Variants in HHLA1 observed in about 807,000 individuals in gnomAD.
HHLA1 encodes HERV-H LTR-associating protein 1.
Under a neutral mutation model 69.9 loss-of-function variants are expected in HHLA1, and 72 were observed. That is an observed-to-expected ratio of 1.03 (90% CI 0.85 to 1.25). The LOEUF is 1.25. Ranked by LOEUF, HHLA1 falls within the 50% of genes most tolerant of loss-of-function variation. HHLA1 has a pLI of 0.00. For missense variants in HHLA1, 685 were observed against 642.2 expected (o/e 1.07, Z -0.72); for synonymous variants, 252 against 233.2 (o/e 1.08, Z -0.73).
chr8:132,095,475 G>A (rs1474933429), intron 7 of HHLA1, 44 bp downstream of exon 7: 2 of 1,330,310 alleles, frequency 1.5e-6, no homozygotes, highest in Non-Finnish European at 2.1e-6. Flanking sequence ...AAGGACACAA[G>A]CAAAATTGGA....
chr8:132,089,704 T>C, intron 7 of HHLA1, 105 bp from the exon 8 acceptor site: 1 of 692,428 alleles, frequency 1.4e-6, no homozygotes, highest in Non-Finnish European at 2.6e-6. Context: ...TTTGATTTAG[T>C]TTAGTGTATT....
At chr8:132,092,511 G>A (rs1461977481) in intron 7 of HHLA1, among the ~76,000 whole-genome samples, 2 of 152,154 alleles carry the variant, frequency 1.3e-5, no homozygotes, top group South Asian at 4.1e-4. Flanking sequence ...TTAGCACCAC[G>A]TCCTTGGTGC....
chr8:132,076,289 A>C lies in HHLA1; in HGVS notation c.1241-160T>G, dbSNP rs117096489. ...AAGTGATTTATGGAAGACCACACGG[A>C]AATTTAGCAGCACGGCAAGGCTTAT... On this transcript the variant is annotated intron_variant, in intron 13 of 16. Coordinates refer to ENST00000414222, the MANE Select transcript of HHLA1 (RefSeq NM_001145095.3). Among the ~76,000 whole-genome samples the C allele has an allele frequency of 4.8e-3, 731 of 152,340 alleles. 5 individuals are homozygous for C. The highest frequency in any genetic ancestry group is 0.029 in the East Asian group (148 of 5,182).
Position 132,079,723 on chromosome 8 carries a change from G to A in HHLA1, c.920C>T (p.Ala307Val). 6.5e-7 allele frequency: 1 copy of A among 1,547,874 alleles called. No homozygotes were observed. Among genetic ancestry groups the A allele is most frequent in the South Asian group, 1.2e-5 (1 of 83,368 alleles). The change falls in exon 11 of 17, where the codon GCC (alanine) becomes GTC (valine). Residue 307 changes from alanine to valine, a missense_variant. Physicochemically the swap from Ala to Val is moderately conservative, Grantham distance 64 (BLOSUM62 0). Transcript: ENST00000414222. ...AGGGTGAGAATGCATCTTACCCAAGGCTGGGAGAGTGTGGGAGGCACTGAA... is the reference window on the plus strand; with the variant it reads ...AGGGTGAGAATGCATCTTACCCAAGACTGGGAGAGTGTGGGAGGCACTGAA... ...TWFSASHTLP[A>V]LATRRVARTQ... is the part of the protein sequence containing the mutation.
At chr8:132,065,517 C>T (rs1235263133) in intron 16 of HHLA1, among the ~76,000 whole-genome samples, 3 of 152,176 alleles carry the variant, frequency 2.0e-5, no homozygotes, top group Non-Finnish European at 4.4e-5. Flanking sequence ...CTCCTGACCT[C>T]GTGATCCGCC....
At chr8:132,092,939 A>G (rs1308491505) in intron 7 of HHLA1, among the ~76,000 whole-genome samples, 2 of 152,214 alleles carry the variant, frequency 1.3e-5, no homozygotes, top group East Asian at 1.9e-4. Context: ...CCATCAAACC[A>G]TTAGAGCAGC....
intron 11 of HHLA1, among the ~76,000 whole-genome samples, chr8:132,078,636 C>G (rs1396101318): frequency 6.6e-6 from 1 of 152,162 alleles, no homozygotes; most frequent in Non-Finnish European, 1.5e-5. Flanking sequence ...GGAGCCCTCT[C>G]TGTGTTCTCT....
intron 11 of HHLA1, among the ~76,000 whole-genome samples, chr8:132,078,190 A>G (rs1050166289): frequency 2.0e-4 from 30 of 151,872 alleles, no homozygotes; most frequent in African/African-American, 7.2e-4. Context: ...ACACACACAC[A>G]CACACACACA....
chr8:132,065,235 C>A (rs1045399423), intron 16 of HHLA1, among the ~76,000 whole-genome samples: 1 of 152,176 alleles, frequency 6.6e-6, no homozygotes, highest in Non-Finnish European at 1.5e-5. Context: ...ACGGTGCCTT[C>A]TTTTGCATGA....
Position 132,104,303 on chromosome 8 carries a change from GT to G in HHLA1, c.80-137del, listed in dbSNP as rs147606874. The G allele has an allele frequency of 1.6e-3, 999 of 632,600 alleles. 11 individuals are homozygous for G. In the African/African-American group the frequency reaches 0.017, roughly 11 times the overall value. The allele number at this position is 632,600 out of a possible 1,614,324, so 39.2% of individuals were successfully genotyped here. A position where few individuals can be genotyped will look rare whatever the true frequency, so the allele number is the denominator to read the frequency against. On this transcript the variant is annotated intron_variant, in intron 2 of 16. Coordinates refer to ENST00000414222, the MANE Select transcript of HHLA1 (RefSeq NM_001145095.3). ...GAAGTGACATTTAGTCCCGCATCTAGTTTGTTCATTCATTTAATCATTTCGT... is the reference window on the plus strand; with the variant it reads ...GAAGTGACATTTAGTCCCGCATCTAGTTGTTCATTCATTTAATCATTTCGT...
intron 7 of HHLA1, among the ~76,000 whole-genome samples, chr8:132,092,899 A>G (rs889416725): frequency 1.3e-5 from 2 of 152,238 alleles, no homozygotes; most frequent in Admixed American, 1.3e-4. Context: ...AAGGCAAAGC[A>G]ACAAGCTAGA....
intron 1 of HHLA1, among the ~76,000 whole-genome samples, chr8:132,109,039 G>A (rs1018163393): frequency 1.3e-5 from 2 of 152,098 alleles, no homozygotes; most frequent in African/African-American, 4.8e-5. Flanking sequence ...ACGAAGTCTC[G>A]CTCTGTCGCC....
chr8:132,079,654 T>A (rs1823705215), intron 11 of HHLA1, 64 bp downstream of exon 11: 13 of 1,459,576 alleles, frequency 8.9e-6, no homozygotes, highest in Non-Finnish European at 1.2e-5. Context: ...CTTATATATG[T>A]GAGCCTAGAG....
chr8:132,079,770 T>G lies in HHLA1; in HGVS notation c.873A>C (p.Pro291=). 5.2e-6 allele frequency: 8 copies of G among 1,551,692 alleles called. No individual in the cohort carries two copies. In the South Asian group the frequency reaches 7.1e-5, roughly 14 times the overall value. The change falls in exon 11 of 17, where the codon CCA becomes CCC. Residue 291 remains proline, a synonymous_variant. Coordinates refer to ENST00000414222, the MANE Select transcript of HHLA1 (RefSeq NM_001145095.3). ...TGAACCATGTGGCTGTGGCCCTGGC[T>G]GGAAGCTCAGGAGGCCTGCCTGTGT... ...TLNTGRPPEL[P]ARATATWFSA... is the part of the protein sequence containing the mutation.
chr8:132,080,187 T>G, intron 10 of HHLA1: 1 of 675,964 alleles, frequency 1.5e-6, no homozygotes, highest in Non-Finnish European at 2.7e-6. Context: ...GGTACATGTC[T>G]TTGGAAGAGG....
chr8:132,064,025 C>T lies in HHLA1; in HGVS notation c.1566G>A (p.Lys522=), dbSNP rs2130871760. ...RVSHSHTLKQ[K]CLENICKSV ...CAGACTTGCAGATATTCTCAAGGCACTTTTGCTTTAAGGCTGAAAAAAAAG... is the reference window on the plus strand; with the variant it reads ...CAGACTTGCAGATATTCTCAAGGCATTTTTGCTTTAAGGCTGAAAAAAAAG... Residue 522 remains lysine, a synonymous_variant, in exon 17 of 17, where the codon AAG becomes AAA. Coordinates refer to ENST00000414222, the MANE Select transcript of HHLA1 (RefSeq NM_001145095.3). 7.7e-7 allele frequency: 1 copy of T among 1,303,486 alleles called. No homozygotes were observed. Among genetic ancestry groups the T allele is most frequent in the Non-Finnish European group, 1.0e-6 (1 of 987,738 alleles). The allele number at this position is 1,303,486 out of a possible 1,614,324, so 80.7% of individuals were successfully genotyped here.
rs116024689 is a variant in HHLA1 at position 132,078,457 on chromosome 8, C to T, written c.926-486G>A. Among the ~76,000 whole-genome samples the T allele has an allele frequency of 4.7e-3, 708 of 152,246 alleles. 5 individuals are homozygous for T. Among genetic ancestry groups the T allele is most frequent in the African/African-American group, 0.016 (666 of 41,534 alleles). Reference sequence around the variant, plus strand: ...ACCAGTGTTAATAATAACACCTGCCCTCCAACATCACAGGATTGTTATTAG... The same window carrying T: ...ACCAGTGTTAATAATAACACCTGCCTTCCAACATCACAGGATTGTTATTAG... On this transcript the variant is annotated intron_variant, in intron 11 of 16. Transcript: ENST00000414222.
At chr8:132,100,555 G>T (rs201740848) in intron 3 of HHLA1, among the ~76,000 whole-genome samples, 4 of 152,220 alleles carry the variant, frequency 2.6e-5, no homozygotes, top group South Asian at 4.2e-4. Flanking sequence ...AATTTCATGC[G>T]ACCAAAGGAG....
At chr8:132,108,640 C>T (rs999162996) in intron 1 of HHLA1, among the ~76,000 whole-genome samples, 11 of 151,930 alleles carry the variant, frequency 7.2e-5, no homozygotes, top group South Asian at 2.1e-4. Flanking sequence ...CCCTAATAAG[C>T]GACTTTGGGC....
Sources: allele counts gnomAD v4.1 joint callset (sites outside exome capture counted in the v4.1 genomes callset), GRCh38; gene constraint gnomAD v4.1.1; transcripts MANE v1.5; gene names NCBI Gene and HGNC (gene_info 2026-07-23, HGNC 2026-07-21).